The following SHISA6 variants were observed in gnomAD, a reference collection of about 807,000 sequenced individuals.
The protein encoded by SHISA6 is protein shisa-6.
Under a neutral mutation model 47.9 loss-of-function variants are expected in SHISA6, and 22 were observed. The observed-to-expected ratio is 0.46, with a 90% CI of 0.33 to 0.66. The LOEUF (loss-of-function observed/expected upper bound fraction) is 0.66, where lower values mean the gene tolerates loss of function less well. Ranked by LOEUF, SHISA6 falls within the 30% of genes least tolerant of loss-of-function variation. The probability of loss-of-function intolerance (pLI) is 0.02; values close to 1 mark genes in which losing one functional copy is unlikely to be tolerated. For synonymous variants in SHISA6, 388 were observed against 337.8 expected, an observed-to-expected ratio of 1.15 and a Z score of -1.63; for missense variants, 680 against 764.6, an observed-to-expected ratio of 0.89 and a Z score of 1.30.
chr17:11,544,775 AG>A (rs1229304921), intron 3 of SHISA6, among the ~76,000 whole-genome samples: 1 of 152,072 alleles, frequency 6.6e-6, no homozygotes, highest in Non-Finnish European at 1.5e-5. Flanking sequence ...CCTGGCTAAC[AG>A]GGTGAAACCC....
chr17:11,385,863 GA>G (rs141368524), intron 3 of SHISA6, among the ~76,000 whole-genome samples: 1,558 of 152,148 alleles, frequency 0.01, 37 homozygotes, highest in African/African-American at 0.035. Flanking sequence ...ATGTTCCCAA[GA>G]AAGGGAGCAA....
intron 2 of SHISA6, among the ~76,000 whole-genome samples, chr17:11,300,149 C>CAAAAAAAAAAAAAAAAAAAAAAA: frequency 7.7e-6 from 1 of 129,188 alleles, no homozygotes; most frequent in East Asian, 2.3e-4. Flanking sequence ...CATCTTAAAA[C>CAAAAAAAAAAAAAAAAAAAAAAA]AAAAAAAAAA....
At chr17:11,499,596 C>A (rs2142345361) in intron 3 of SHISA6, among the ~76,000 whole-genome samples, 1 of 151,988 alleles carries the variant, frequency 6.6e-6, no homozygotes, top group Middle Eastern at 3.4e-3. Flanking sequence ...TCATTCAGAA[C>A]TTTAATAGGG....
intron 1 of SHISA6, among the ~76,000 whole-genome samples, chr17:11,260,365 G>A (rs1908182549): frequency 6.6e-6 from 1 of 152,080 alleles, no homozygotes; most frequent in Admixed American, 6.6e-5. Flanking sequence ...ATACTACTAA[G>A]GTGACTCTTC....
At chr17:11,263,244 T>C in intron 1 of SHISA6, 122 bp from the exon 2 acceptor site, 1 of 1,035,756 alleles carries the variant, frequency 9.7e-7, no homozygotes, top group Non-Finnish European at 1.4e-6. Context: ...GAGAGCTGAA[T>C]GCTGTCTCTG....
At chr17:11,533,587 ATTTTTTT>A (rs3038696) in intron 3 of SHISA6, among the ~76,000 whole-genome samples, 3 of 94,994 alleles carry the variant, frequency 3.2e-5, no homozygotes, top group African/African-American at 7.7e-5. Flanking sequence ...CCCTTTCATT[ATTTTTTT>A]TTTTTTTTTT....
Position 11,388,812 on chromosome 17 carries a change from A to T in SHISA6, c.895+9303A>T, listed in dbSNP as rs1311960959. Among the ~76,000 whole-genome samples, 17 of 96,628 alleles carry T rather than the reference A, an allele frequency of 1.8e-4. 1 individual carries two copies. Among genetic ancestry groups the T allele is most frequent in the African/African-American group, 4.8e-4 (11 of 23,032 alleles). 63.4% of individuals were successfully genotyped at this position (96,628 alleles called of 152,430 possible). A position where few individuals can be genotyped will look rare whatever the true frequency, so the allele number is the denominator to read the frequency against. On this transcript the variant is annotated intron_variant, in intron 3 of 5. Transcript: ENST00000441885. Reference sequence around the variant, plus strand: ...AGTTTATATATATATATATATATATATATATATATATATATATATATATAT... The same window carrying T: ...AGTTTATATATATATATATATATATTTATATATATATATATATATATATAT...
chr17:11,469,258 G>C (rs935581670), intron 3 of SHISA6, among the ~76,000 whole-genome samples: 3 of 152,060 alleles, frequency 2.0e-5, no homozygotes, highest in African/African-American at 7.2e-5. Context: ...GTCATCACAA[G>C]GGTCCTTACA....
chr17:11,303,929 C>A (rs1210916577), intron 2 of SHISA6, among the ~76,000 whole-genome samples: 1 of 152,088 alleles, frequency 6.6e-6, no homozygotes, highest in Non-Finnish European at 1.5e-5. Flanking sequence ...GGCAGGTGCC[C>A]GAGAAGAGGC....
chr17:11,383,270 G>A (rs1365997986), intron 3 of SHISA6, among the ~76,000 whole-genome samples: 1 of 152,090 alleles, frequency 6.6e-6, no homozygotes, highest in Non-Finnish European at 1.5e-5. Flanking sequence ...TCTAGAGGCA[G>A]CTTGGAGACA....
At chr17:11,260,873 C>A (rs971042089) in intron 1 of SHISA6, among the ~76,000 whole-genome samples, 3 of 152,056 alleles carry the variant, frequency 2.0e-5, no homozygotes, top group African/African-American at 7.2e-5. Context: ...GTCTCACTCT[C>A]CCTGTTGTTC....
chr17:11,304,108 G>A (rs1170511683), intron 2 of SHISA6, among the ~76,000 whole-genome samples: 1 of 152,200 alleles, frequency 6.6e-6, no homozygotes, highest in African/African-American at 2.4e-5. Flanking sequence ...TGGGTAGTTT[G>A]CACCTTTCCT....
chr17:11,329,515 G>A (rs931620788), intron 2 of SHISA6, among the ~76,000 whole-genome samples: 1 of 151,876 alleles, frequency 6.6e-6, no homozygotes, highest in Non-Finnish European at 1.5e-5. Context: ...ACTCTTCCCT[G>A]CAAACTCCAG....
At chr17:11,543,542 T>G (rs1419210587) in intron 3 of SHISA6, among the ~76,000 whole-genome samples, 1 of 152,196 alleles carries the variant, frequency 6.6e-6, no homozygotes, top group African/African-American at 2.4e-5. Context: ...TTTAAAATAA[T>G]GTACAGATTC....
At position 11,277,262 on chromosome 17, in the gene SHISA6, TCTCTCTCTCTCTCTCTCTCACA is replaced by T. The variant is rs1207950272; in HGVS notation, c.799+13738_799+13759del. ...CTCTTTCTCTCTCTCTCTCTCTCTC[TCTCTCTCTCTCTCTCTCTCACA>T]CACACACACACACACACACACACAC... On this transcript the variant is annotated intron_variant, in intron 2 of 5. Coordinates refer to ENST00000441885, the MANE Select transcript of SHISA6 (RefSeq NM_207386.4). Among the ~76,000 whole-genome samples, 227 of 105,496 alleles carry T rather than the reference TCTCTCTCTCTCTCTCTCTCACA, an allele frequency of 2.2e-3. 1 individual carries two copies. Among genetic ancestry groups the T allele is most frequent in the Middle Eastern group, 8.8e-3 (2 of 226 alleles). 69.2% of individuals were successfully genotyped at this position (105,496 alleles called of 152,430 possible). A position where few individuals can be genotyped will look rare whatever the true frequency, so the allele number is the denominator to read the frequency against.
intron 2 of SHISA6, among the ~76,000 whole-genome samples, chr17:11,279,816 AGG>A (rs1491145780): frequency 2.9e-4 from 13 of 44,996 alleles, no homozygotes; most frequent in East Asian, 2.4e-3. Context: ...AGAGAGAAAG[AGG>A]GAGAGAGAGA....
intron 3 of SHISA6, among the ~76,000 whole-genome samples, chr17:11,436,839 T>C (rs1914957084): frequency 1.3e-5 from 2 of 152,256 alleles, no homozygotes; most frequent in South Asian, 4.1e-4. Context: ...ATTCTATCTT[T>C]AACTCAGTGA....
At chr17:11,408,093 G>C (rs1050363776) in intron 3 of SHISA6, among the ~76,000 whole-genome samples, 1 of 152,190 alleles carries the variant, frequency 6.6e-6, no homozygotes, top group African/African-American at 2.4e-5. Context: ...CTGGGAGCTT[G>C]TGTCTTTAAT....
chr17:11,362,877 C>T (rs755288255), intron 2 of SHISA6, among the ~76,000 whole-genome samples: 2 of 152,128 alleles, frequency 1.3e-5, no homozygotes, highest in African/African-American at 2.4e-5. Flanking sequence ...TTTACCTTTC[C>T]GTGAAACAAA....
Sources: gnomAD v4.1 joint callset for allele counts (sites outside exome capture counted in the v4.1 genomes callset) on GRCh38, gnomAD v4.1.1 for gene constraint, MANE v1.5 for transcripts, NCBI Gene and HGNC (gene_info 2026-07-23, HGNC 2026-07-21) for gene names.